TSPAN5: variants seen among roughly 807,000 people sequenced by gnomAD.
The protein encoded by TSPAN5 is tetraspanin 5.
In TSPAN5, 10 loss-of-function variants were observed where a neutral mutation model predicts 37.1. The observed-to-expected ratio is 0.27, with a 90% CI of 0.17 to 0.46. The LOEUF is 0.46. TSPAN5 is among the 20% of genes least tolerant of loss of function. The pLI is 1.00. For synonymous variants in TSPAN5, 110 were observed against 118.9 expected (o/e 0.93, Z 0.48); for missense variants, 195 against 326.6 (o/e 0.60, Z 3.11).
At chr4:98,589,297 T>C (rs982691020) in intron 1 of TSPAN5, among the ~76,000 whole-genome samples, 1 of 152,188 alleles carries the variant, frequency 6.6e-6, no homozygotes, top group Admixed American at 6.5e-5. Context: ...ATATTTCTTA[T>C]GGGTCAATTA....
At chr4:98,577,687 T>C (rs1268673546) in intron 1 of TSPAN5, among the ~76,000 whole-genome samples, 1 of 152,226 alleles carries the variant, frequency 6.6e-6, no homozygotes, top group Non-Finnish European at 1.5e-5. Flanking sequence ...AGAAGCAATG[T>C]CACATGGCCT....
chr4:98,616,127 C>T (rs1756329763), intron 1 of TSPAN5, among the ~76,000 whole-genome samples: 1 of 152,064 alleles, frequency 6.6e-6, no homozygotes, highest in African/African-American at 2.4e-5. Context: ...TATGGTTTCT[C>T]AGTCCCCACG....
At chr4:98,557,673 G>A (rs1449727212) in intron 1 of TSPAN5, among the ~76,000 whole-genome samples, 2 of 152,140 alleles carry the variant, frequency 1.3e-5, no homozygotes, top group Admixed American at 6.5e-5. Flanking sequence ...AAAGGAGGTG[G>A]GCCGAGTCAC....
At chr4:98,655,235 T>C (rs1167957378) in intron 1 of TSPAN5, among the ~76,000 whole-genome samples, 1 of 152,200 alleles carries the variant, frequency 6.6e-6, no homozygotes, top group Non-Finnish European at 1.5e-5. Context: ...ATAAAACTAG[T>C]CTTCAGACAA....
intron 1 of TSPAN5, among the ~76,000 whole-genome samples, chr4:98,638,764 A>G (rs1365332015): frequency 6.6e-6 from 1 of 152,218 alleles, no homozygotes; most frequent in East Asian, 1.9e-4. Context: ...ACTGTTTCAT[A>G]GAAGCTGGCA....
intron 5 of TSPAN5, 63 bp from the exon 6 acceptor site, chr4:98,476,523 TG>T: frequency 1.3e-6 from 2 of 1,513,882 alleles, no homozygotes; most frequent in South Asian, 2.3e-5. Context: ...CACCTAGAAA[TG>T]AGCAGAAGAC....
intron 2 of TSPAN5, 33 bp from the exon 3 acceptor site, chr4:98,486,917 G>A (rs34110880): frequency 0.082 from 131,108 of 1,602,914 alleles, 6,360 homozygotes; most frequent in Middle Eastern, 0.15. Flanking sequence ...AACAAGGCAC[G>A]GGGATGTGGG....
At chr4:98,624,630 A>C (rs758915414) in intron 1 of TSPAN5, among the ~76,000 whole-genome samples, 13 of 152,212 alleles carry the variant, frequency 8.5e-5, no homozygotes, top group African/African-American at 1.2e-4. Flanking sequence ...CCCACAGTAC[A>C]TAAGAAAAAG....
intron 1 of TSPAN5, among the ~76,000 whole-genome samples, chr4:98,592,791 T>C: frequency 6.6e-6 from 1 of 151,282 alleles, no homozygotes. Context: ...GGCTGCACAG[T>C]ATTCCATGGT....
intron 1 of TSPAN5, among the ~76,000 whole-genome samples, chr4:98,557,004 T>C (rs1233662908): frequency 2.6e-5 from 4 of 152,196 alleles, no homozygotes; most frequent in Non-Finnish European, 5.9e-5. Context: ...TACCACATTG[T>C]ATTATAATGT....
At chr4:98,501,254 A>G (rs1753340874) in intron 2 of TSPAN5, among the ~76,000 whole-genome samples, 1 of 152,202 alleles carries the variant, frequency 6.6e-6, no homozygotes, top group South Asian at 2.1e-4. Context: ...AACCACACGT[A>G]TTTACCTCCT....
chr4:98,592,132 CTAGA>C (rs1194311501), intron 1 of TSPAN5, among the ~76,000 whole-genome samples: 2 of 150,908 alleles, frequency 1.3e-5, no homozygotes, highest in African/African-American at 4.9e-5. Context: ...GTTATAACAA[CTAGA>C]TAGCCACATG....
chr4:98,482,050 C>A lies in TSPAN5; in HGVS notation c.405G>T (p.Arg135=). The change falls in exon 4 of 8, where the codon CGG becomes CGT. Residue 135 remains arginine (R), a synonymous_variant. Transcript: ENST00000305798. ...FFINNNIRAY[R]DDIDLQNLID... ...TGAGGTTTTGCAAATCAATGTCATCCCGATATGCTCTGATGTTGTTGTTTA... is the reference window on the plus strand; with the variant it reads ...TGAGGTTTTGCAAATCAATGTCATCACGATATGCTCTGATGTTGTTGTTTA... 6.2e-7 allele frequency: 1 copy of A among 1,613,974 alleles called. No individual in the cohort carries two copies. The highest frequency in any genetic ancestry group is 1.7e-5 in the Admixed American group (1 of 59,994).
In TSPAN5 at chr4:98,623,568, G is replaced by A. The variant is rs150878127; in HGVS notation, c.81+34578C>T. On this transcript the variant is annotated intron_variant, in intron 1 of 7. Transcript: ENST00000305798. ...AAAACTCTCTTTACATATCAATCAC[G>A]AGTGTAGCTAATCCTTTCAAGTCTA... Among the ~76,000 whole-genome samples, 252 of 152,174 alleles carry A rather than the reference G, an allele frequency of 1.7e-3. 1 individual carries two copies. The Middle Eastern group carries it at 0.034, about 21-fold the overall frequency.
chr4:98,538,244 T>C (rs1754280277), intron 1 of TSPAN5, among the ~76,000 whole-genome samples: 1 of 152,256 alleles, frequency 6.6e-6, no homozygotes, highest in African/African-American at 2.4e-5. Flanking sequence ...CTTTAGGGCA[T>C]AGCCAAAGAG....
chr4:98,625,302 G>C (rs1474469261), intron 1 of TSPAN5, among the ~76,000 whole-genome samples: 1 of 152,162 alleles, frequency 6.6e-6, no homozygotes, highest in Non-Finnish European at 1.5e-5. Flanking sequence ...CAATGAGCTT[G>C]TGAAGCAGGT....
intron 1 of TSPAN5, among the ~76,000 whole-genome samples, chr4:98,651,863 ACTT>A (rs1271957496): frequency 1.0e-4 from 12 of 115,360 alleles, no homozygotes; most frequent in Non-Finnish European, 1.3e-4. Flanking sequence ...CCTTCAACAT[ACTT>A]TTTTTTTTTT....
intron 7 of TSPAN5, among the ~76,000 whole-genome samples, chr4:98,474,917 C>G (rs1324588765): frequency 6.6e-6 from 1 of 152,180 alleles, no homozygotes; most frequent in Non-Finnish European, 1.5e-5. Flanking sequence ...TGGGCTCAAG[C>G]CATCCTCCTG....
chr4:98,638,397 C>G (rs1442982596), intron 1 of TSPAN5, among the ~76,000 whole-genome samples: 4 of 152,168 alleles, frequency 2.6e-5, no homozygotes, highest in African/African-American at 9.7e-5. Context: ...TGAGGAGCCA[C>G]CCACCATGAC....
Sources: gnomAD v4.1 joint callset for allele counts (sites outside exome capture counted in the v4.1 genomes callset) on GRCh38, gnomAD v4.1.1 for gene constraint, MANE v1.5 for transcripts, NCBI Gene and HGNC (gene_info 2026-07-23, HGNC 2026-07-21) for gene names.